The following NR6A1 variants were observed in gnomAD, a reference collection of about 807,000 sequenced individuals.
The protein encoded by NR6A1 is nuclear receptor subfamily 6 group A member 1.
A neutral mutation model predicts 59.1 loss-of-function variants in NR6A1; 7 were observed. The observed-to-expected ratio is 0.12, with a 90% CI of 0.07 to 0.22. The LOEUF is 0.22. NR6A1 is among the 10% of genes least tolerant of loss of function. The pLI, the probability that NR6A1 is intolerant of heterozygous loss-of-function variation, is 1.00. For synonymous variants in NR6A1, 243 were observed against 236.1 expected (o/e 1.03, Z -0.27); for missense variants, 468 against 611.6 (o/e 0.77, Z 2.48).
chr9:124,715,080 C>G (rs1244169657), intron 2 of NR6A1, among the ~76,000 whole-genome samples: 1 of 152,108 alleles, frequency 6.6e-6, no homozygotes, highest in East Asian at 1.9e-4. Flanking sequence ...CACCTGTAGT[C>G]CCAGCTACTC....
chr9:124,705,982 G>C (rs562706913), intron 2 of NR6A1, among the ~76,000 whole-genome samples: 4 of 152,200 alleles, frequency 2.6e-5, no homozygotes, highest in Non-Finnish European at 5.9e-5. Context: ...CATCATGTTG[G>C]CCAGGTTGGT....
chr9:124,662,975 T>C (rs544560418), intron 2 of NR6A1, among the ~76,000 whole-genome samples: 2 of 152,276 alleles, frequency 1.3e-5, no homozygotes, highest in African/African-American at 4.8e-5. Flanking sequence ...ATATTAGAAA[T>C]ACAATGATAA....
intron 3 of NR6A1, among the ~76,000 whole-genome samples, chr9:124,552,545 C>G (rs1833809231): frequency 1.3e-5 from 2 of 152,206 alleles, no homozygotes; most frequent in African/African-American, 4.8e-5. Flanking sequence ...AGCTATGCCA[C>G]ATGGTAGACA....
At chr9:124,564,167 T>G (rs1239058442) in intron 2 of NR6A1, among the ~76,000 whole-genome samples, 2 of 152,176 alleles carry the variant, frequency 1.3e-5, no homozygotes, top group Non-Finnish European at 2.9e-5. Flanking sequence ...TTTGATATAA[T>G]TCAACATTAT....
At chr9:124,637,698 C>G (rs1287258045) in intron 2 of NR6A1, among the ~76,000 whole-genome samples, 2 of 152,026 alleles carry the variant, frequency 1.3e-5, no homozygotes, top group Non-Finnish European at 2.9e-5. Context: ...CGACACCAGC[C>G]TAGCCAACAT....
intron 2 of NR6A1, chr9:124,693,596 G>A (rs1838639320): frequency 1.2e-5 from 5 of 424,310 alleles, no homozygotes; most frequent in Non-Finnish European, 9.8e-6. Context: ...CAATCATGCA[G>A]ATGGCTGGTT....
intron 2 of NR6A1, among the ~76,000 whole-genome samples, chr9:124,645,975 C>T (rs1452791167): frequency 6.6e-6 from 1 of 152,150 alleles, no homozygotes; most frequent in African/African-American, 2.4e-5. Context: ...ATATCTGGAA[C>T]ATCTCAAATA....
intron 2 of NR6A1, among the ~76,000 whole-genome samples, chr9:124,604,916 T>C (rs1439013932): frequency 1.3e-5 from 2 of 152,180 alleles, no homozygotes; most frequent in African/African-American, 2.4e-5. Flanking sequence ...TAAACAGCTA[T>C]GGACAAATTT....
chr9:124,632,062 C>T (rs940296519), intron 2 of NR6A1, among the ~76,000 whole-genome samples: 1 of 152,160 alleles, frequency 6.6e-6, no homozygotes, highest in Non-Finnish European at 1.5e-5. Flanking sequence ...TTTACCTAGC[C>T]TATCATTGGT....
intron 2 of NR6A1, among the ~76,000 whole-genome samples, chr9:124,556,470 T>C (rs2131391041): frequency 6.6e-6 from 1 of 151,910 alleles, no homozygotes; most frequent in Middle Eastern, 3.4e-3. Flanking sequence ...ATTTTTTTTT[T>C]TTTTTTTTGA....
chr9:124,596,657 T>C (rs1835280298), intron 2 of NR6A1, among the ~76,000 whole-genome samples: 2 of 152,184 alleles, frequency 1.3e-5, no homozygotes, highest in Non-Finnish European at 2.9e-5. Context: ...TCATAAGATC[T>C]TAAACAATCA....
In NR6A1 at chr9:124,553,549, C is replaced by CTTTTTTTTTTTTTTTTTT. The variant is rs780925768; in HGVS notation, c.385+761_385+778dup. Among the ~76,000 whole-genome samples the CTTTTTTTTTTTTTTTTTT allele has an allele frequency of 1.2e-3, 58 of 47,320 alleles. 1 individual carries two copies. The highest frequency in any genetic ancestry group is 0.077 in the Middle Eastern group (2 of 26). The allele number at this position is 47,320 out of a possible 152,430, so 31.0% of individuals were successfully genotyped here. Reference sequence around the variant, plus strand: ...GAAATCACCCTGCTTTTTAGCTTGACTTTTTTTTTTTTTTTTTTTTTTTTT... The same window carrying CTTTTTTTTTTTTTTTTTT: ...GAAATCACCCTGCTTTTTAGCTTGACTTTTTTTTTTTTTTTTTTTTTTTTTTTTTTTTTTTTTTTTTTT... On this transcript the variant is annotated intron_variant, in intron 3 of 9. Coordinates refer to ENST00000487099, the MANE Select transcript of NR6A1 (RefSeq NM_033334.4).
Position 124,549,862 on chromosome 9 carries a change from A to G in NR6A1, c.385+4466T>C, listed in dbSNP as rs1833717503. On this transcript the variant is annotated intron_variant, in intron 3 of 9. Transcript: ENST00000487099. Reference sequence around the variant, plus strand: ...TAACCAAAGTACATACTTTATTTTGATTTCTCCAGTTGTTTCACTGATATC... The same window carrying G: ...TAACCAAAGTACATACTTTATTTTGGTTTCTCCAGTTGTTTCACTGATATC... Among the ~76,000 whole-genome samples, 3 of 152,266 alleles carry G rather than the reference A, an allele frequency of 2.0e-5. No homozygotes were observed. The South Asian group carries it at 6.2e-4, about 32-fold the overall frequency.
intron 2 of NR6A1, among the ~76,000 whole-genome samples, chr9:124,636,759 C>T (rs559992232): frequency 5.1e-4 from 78 of 152,234 alleles, no homozygotes; most frequent in Non-Finnish European, 8.8e-4. Flanking sequence ...GCTGTCTATT[C>T]GGTCCTACTG....
At chr9:124,587,207 G>GT (rs1209023888) in intron 2 of NR6A1, among the ~76,000 whole-genome samples, 2 of 152,092 alleles carry the variant, frequency 1.3e-5, no homozygotes, top group Non-Finnish European at 2.9e-5. Context: ...GGTATGTAGG[G>GT]TTTTTTTCTG....
At chr9:124,723,423 A>G (rs1439533759) in intron 2 of NR6A1, among the ~76,000 whole-genome samples, 3 of 152,232 alleles carry the variant, frequency 2.0e-5, no homozygotes, top group African/African-American at 7.2e-5. Flanking sequence ...GATGGTAAAG[A>G]AGTCCCGACC....
intron 2 of NR6A1, among the ~76,000 whole-genome samples, chr9:124,630,138 T>A (rs1836380895): frequency 6.6e-6 from 1 of 151,906 alleles, no homozygotes; most frequent in Admixed American, 6.6e-5. Flanking sequence ...TCATACAATA[T>A]CTAGAATTAA....
intron 2 of NR6A1, among the ~76,000 whole-genome samples, chr9:124,694,162 G>A (rs920633670): frequency 1.3e-5 from 2 of 151,838 alleles, no homozygotes; most frequent in East Asian, 1.9e-4. Flanking sequence ...CCATTTCCTC[G>A]GAGGAAAACA....
At chr9:124,712,520 A>G (rs1459046533) in intron 2 of NR6A1, among the ~76,000 whole-genome samples, 1 of 151,966 alleles carries the variant, frequency 6.6e-6, no homozygotes, top group Non-Finnish European at 1.5e-5. Flanking sequence ...AGGCACAAGA[A>G]TCGCCTGAAC....
Sources: allele counts gnomAD v4.1 joint callset (sites outside exome capture counted in the v4.1 genomes callset), GRCh38; gene constraint gnomAD v4.1.1; transcripts MANE v1.5; gene names NCBI Gene and HGNC (gene_info 2026-07-23, HGNC 2026-07-21).